OR51A7: variants seen among roughly 807,000 people sequenced by gnomAD.
OR51A7 encodes olfactory receptor family 51 subfamily A member 7.
For missense variants in OR51A7, 409 were observed against 374.5 expected (o/e 1.09, Z -0.76); for synonymous variants, 143 against 135.5 (o/e 1.05, Z -0.38).
At chr11:4,906,290 G>T (rs1181434702) in intron 1 of OR51A7, among the ~76,000 whole-genome samples, 1 of 152,164 alleles carries the variant, frequency 6.6e-6, no homozygotes, top group Non-Finnish European at 1.5e-5. Flanking sequence ...ACAGATACTT[G>T]TTTGTGGTTT....
chr11:4,907,339 A>T lies in OR51A7; in HGVS notation c.-31A>T. On this transcript the variant is annotated splice_region_variant and 5_prime_UTR_variant, in exon 2 of 2. Coordinates refer to ENST00000641490, the MANE Select transcript of OR51A7 (RefSeq NM_001004749.2). Reference sequence around the variant, plus strand: ...CTGCTTTTCATTTATATGGTTTCAGATCCGGCTAACGAGCTCATATCTCCC... The same window carrying T: ...CTGCTTTTCATTTATATGGTTTCAGTTCCGGCTAACGAGCTCATATCTCCC... The T allele has an allele frequency of 6.9e-7, 1 of 1,439,338 alleles. No homozygotes were observed. Among genetic ancestry groups the T allele is most frequent in the South Asian group, 1.2e-5 (1 of 85,054 alleles). 89.2% of individuals were successfully genotyped at this position (1,439,338 alleles called of 1,614,324 possible).
At chr11:4,906,499 T>C (rs1564804109) in intron 1 of OR51A7, among the ~76,000 whole-genome samples, 1 of 152,234 alleles carries the variant, frequency 6.6e-6, no homozygotes, top group Non-Finnish European at 1.5e-5. Context: ...TATTTACTCA[T>C]GTATAAAATG....
rs1038118373 is a variant in OR51A7, at chr11:4,908,292, A to G, written c.923A>G (p.Asn308Ser). The G allele has an allele frequency of 6.2e-7, 1 of 1,613,906 alleles. No homozygotes were observed. The highest frequency in any genetic ancestry group is 1.3e-5 in the African/African-American group (1 of 75,038). ...IWEKILGKLL[N>S]VCGR ...GAGAAGATCTTGGGGAAGTTGCTTA[A>G]TGTATGTGGGAGATAAGAACTTGAA... The change falls in exon 2 of 2, where the codon AAT (asparagine) becomes AGT (serine). Residue 308 changes from asparagine to serine, a missense_variant. Coordinates refer to ENST00000641490, the MANE Select transcript of OR51A7 (RefSeq NM_001004749.2).
chr11:4,906,467 A>G (rs1303856127), intron 1 of OR51A7, among the ~76,000 whole-genome samples: 2 of 152,264 alleles, frequency 1.3e-5, no homozygotes, highest in South Asian at 2.1e-4. Flanking sequence ...TTATTTTTAT[A>G]TAACACTTGA....
At position 4,908,824 on chromosome 11, in the gene OR51A7, G is replaced by A. The variant is rs1850947325; in HGVS notation, c.*516G>A. The A allele has an allele frequency of 6.2e-6, 1 of 162,240 alleles. No homozygotes were observed. The highest frequency in any genetic ancestry group is 2.4e-5 in the African/African-American group (1 of 41,484). 10.1% of individuals were successfully genotyped at this position (162,240 alleles called of 1,614,324 possible). On this transcript the variant is annotated 3_prime_UTR_variant, in exon 2 of 2. Transcript: ENST00000641490. ...TTTGAAAAGTCTAAATTCAGGAGGT[G>A]TTGGAATGCCAATTTCTTCTCTACA...
chr11:4,908,514 T>A lies in OR51A7; in HGVS notation c.*206T>A. On this transcript the variant is annotated 3_prime_UTR_variant, in exon 2 of 2. Transcript: ENST00000641490. ...GATATATAAGATATAGAGGTTTAAT[T>A]AACATTTTAAGGGAAGTTGAAGGAA... The A allele has an allele frequency of 1.7e-6, 1 of 583,048 alleles. No homozygotes were observed. Among genetic ancestry groups the A allele is most frequent in the Non-Finnish European group, 3.0e-6 (1 of 328,886 alleles). The allele number at this position is 583,048 out of a possible 1,614,324, so 36.1% of individuals were successfully genotyped here. A position where few individuals can be genotyped will look rare whatever the true frequency, so the allele number is the denominator to read the frequency against.
chr11:4,907,825 C>CTAA lies in OR51A7; in HGVS notation c.456_457insTAA (p.Ser152_Ile153insTer). The CTAA allele has an allele frequency of 6.2e-7, 1 of 1,613,666 alleles. No individual in the cohort carries two copies. ...TGGGACTTATTTTAGCCATTAGGAG[C>CTAA]ATTCTCTTAGTGATTCCATTTCCCT... is the stretch of plus-strand genomic sequence containing the variant. On this transcript the variant is annotated stop_gained and inframe_insertion, in exon 2 of 2. Coordinates refer to ENST00000641490, the MANE Select transcript of OR51A7 (RefSeq NM_001004749.2). LOFTEE classifies it low-confidence loss of function (END_TRUNC).
At position 4,907,484 on chromosome 11, in the gene OR51A7, A is replaced by G. The variant is rs375007040; in HGVS notation, c.115A>G (p.Ile39Val). 6.2e-7 allele frequency: 1 copy of G among 1,613,846 alleles called. No homozygotes were observed. Among genetic ancestry groups the G allele is most frequent in the African/African-American group, 1.3e-5 (1 of 74,852 alleles). Residue 39 changes from isoleucine (I) to valine (V), a missense_variant, in exon 2 of 2, where the codon ATC (isoleucine) becomes GTC (valine). Coordinates refer to ENST00000641490, the MANE Select transcript of OR51A7 (RefSeq NM_001004749.2). ...IPICLMYLLA[I>V]MGNCTILFII... is the part of the protein sequence containing the mutation. ...CATTTGCCTCATGTACCTGCTTGCC[A>G]TCATGGGCAACTGCACCATTCTCTT...
intron 1 of OR51A7, 112 bp from the exon 2 acceptor site, chr11:4,907,227 G>A (rs1850909014): frequency 3.4e-6 from 2 of 593,162 alleles, no homozygotes; most frequent in Non-Finnish European, 6.0e-6. Context: ...GAAGAGTGCA[G>A]TTGATTAGCA....
In OR51A7 at chr11:4,907,639, G is replaced by T; in HGVS notation, c.270G>T (p.Met90Ile). 1 of 1,613,904 alleles carries T rather than the reference G, an allele frequency of 6.2e-7. No individual in the cohort carries two copies. Among genetic ancestry groups the T allele is most frequent in the Non-Finnish European group, 8.5e-7 (1 of 1,179,942 alleles). ...TGAGGGTCTTCTTGTTCAATGCCATGGGAATTTCACCTAATGCCTGCTTTG... is the reference window on the plus strand; with the variant it reads ...TGAGGGTCTTCTTGTTCAATGCCATTGGAATTTCACCTAATGCCTGCTTTG... ...TMLRVFLFNA[M>I]GISPNACFAQ... Residue 90 changes from methionine to isoleucine, a missense_variant, in exon 2 of 2, where the codon ATG (methionine) becomes ATT (isoleucine). Met to Ile is a conservative substitution (Grantham distance 10). Transcript: ENST00000641490.
Position 4,908,120 on chromosome 11 carries a change from T to A in OR51A7, c.751T>A (p.Tyr251Asn). The change falls in exon 2 of 2, where the codon TAT (tyrosine) becomes AAT (asparagine). Residue 251 changes from tyrosine to asparagine, a missense_variant. By Grantham distance (143) the Tyr-to-Asn change is moderately radical. Transcript: ENST00000641490. ...CCACATCTGTGCTGTGCTCACCTTC[T>A]ATGTGCCCATCATCACCCTGGCTGC... ...VSHICAVLTF[Y>N]VPIITLAAMH... is the part of the protein sequence containing the mutation. 6.2e-7 allele frequency: 1 copy of A among 1,614,236 alleles called. No individual in the cohort carries two copies. Among genetic ancestry groups the A allele is most frequent in the Non-Finnish European group, 8.5e-7 (1 of 1,180,040 alleles).
chr11:4,904,572 G>A (rs1170692220), intron 1 of OR51A7, among the ~76,000 whole-genome samples: 1 of 151,962 alleles, frequency 6.6e-6, no homozygotes, highest in African/African-American at 2.4e-5. Context: ...TTTACTGTAT[G>A]ATTTCATTTA....
Position 4,908,004 on chromosome 11 carries a change from T to A in OR51A7, c.635T>A (p.Leu212Gln), listed in dbSNP as rs1159900180. 6.2e-7 allele frequency: 1 copy of A among 1,614,262 alleles called. No homozygotes were observed. Among genetic ancestry groups the A allele is most frequent in the East Asian group, 2.2e-5 (1 of 44,890 alleles). The part of the protein sequence containing the change: ...IALCTMLDLA[L>Q]IVLSYVLILK... ...CTCTGTACTATGCTGGACTTGGCACTGATTGTTTTGTCTTATGTGCTGATC... is the reference window on the plus strand; with the variant it reads ...CTCTGTACTATGCTGGACTTGGCACAGATTGTTTTGTCTTATGTGCTGATC... Residue 212 changes from leucine to glutamine, a missense_variant, in exon 2 of 2, where the codon CTG (leucine) becomes CAG (glutamine). Coordinates refer to ENST00000641490, the MANE Select transcript of OR51A7 (RefSeq NM_001004749.2).
chr11:4,907,988 A>G lies in OR51A7; in HGVS notation c.619A>G (p.Met207Val), dbSNP rs906076370. Residue 207 changes from methionine (M) to valine (V), a missense_variant, in exon 2 of 2, where the codon ATG becomes GTG. By Grantham distance (21) the Met-to-Val change is conservative. Coordinates refer to ENST00000641490, the MANE Select transcript of OR51A7 (RefSeq NM_001004749.2). The stretch of plus-strand genomic sequence containing the variant: ...TGGCTTCTTCATTGCTCTCTGTACT[A>G]TGCTGGACTTGGCACTGATTGTTTT... ...IYGFFIALCT[M>V]LDLALIVLSY... 5.6e-6 allele frequency: 9 copies of G among 1,614,068 alleles called. No individual in the cohort carries two copies. The African/African-American group carries it at 1.1e-4, about 19-fold the overall frequency.
In OR51A7 at chr11:4,907,861, G is replaced by A. The variant is rs1409133694; in HGVS notation, c.492G>A (p.Arg164=). 45 of 1,613,678 alleles carry A rather than the reference G, an allele frequency of 2.8e-5. No individual in the cohort carries two copies. The highest frequency in any genetic ancestry group is 3.6e-5 in the Non-Finnish European group (43 of 1,179,948). Residue 164 remains arginine (R), a synonymous_variant, in exon 2 of 2, where the codon AGG becomes AGA. Transcript: ENST00000641490. ...TGATTCCATTTCCCTTCACCTTAAG[G>A]AGATTAAAATATTGTCAAAAGAATC... The part of the protein sequence containing the change: ...LLVIPFPFTL[R]RLKYCQKNLL...
Position 4,907,546 on chromosome 11 carries a change from G to T in OR51A7, c.177G>T (p.Met59Ile). Reference sequence around the variant, plus strand: ...CAGAGCCCTCGCTTCATGAGCCCATGTATTATTTCCTTGCCATGTTGGCTG... The same window carrying T: ...CAGAGCCCTCGCTTCATGAGCCCATTTATTATTTCCTTGCCATGTTGGCTG... ...IKTEPSLHEP[M>I]YYFLAMLAVS... is the part of the protein sequence containing the mutation. Residue 59 changes from methionine to isoleucine, a missense_variant, in exon 2 of 2, where the codon ATG (methionine) becomes ATT (isoleucine). Transcript: ENST00000641490. The T allele has an allele frequency of 6.2e-7, 1 of 1,614,066 alleles. No homozygotes were observed. Among genetic ancestry groups the T allele is most frequent in the Non-Finnish European group, 8.5e-7 (1 of 1,179,994 alleles).
Position 4,907,095 on chromosome 11 carries a change from T to TAAAAA in OR51A7, c.-31-228_-31-224dup, listed in dbSNP as rs3065178. On this transcript the variant is annotated intron_variant, in intron 1 of 1. Transcript: ENST00000641490. Reference sequence around the variant, plus strand: ...TGGGCAACAAGAGCAAAACTCCCTCTAAAAAAAAAAAAAAAAAAAATCCTA... The same window carrying TAAAAA: ...TGGGCAACAAGAGCAAAACTCCCTCTAAAAAAAAAAAAAAAAAAAAAAAAATCCTA... Among the ~76,000 whole-genome samples, 19 of 55,114 alleles carry TAAAAA rather than the reference T, an allele frequency of 3.4e-4. 1 individual carries two copies. Among genetic ancestry groups the TAAAAA allele is most frequent in the African/African-American group, 5.9e-4 (9 of 15,270 alleles). The allele number at this position is 55,114 out of a possible 152,430, so 36.2% of individuals were successfully genotyped here. A position where few individuals can be genotyped will look rare whatever the true frequency, so the allele number is the denominator to read the frequency against.
intron 1 of OR51A7, among the ~76,000 whole-genome samples, chr11:4,905,504 A>T (rs528302682): frequency 1.4e-4 from 22 of 152,268 alleles, no homozygotes; most frequent in African/African-American, 5.1e-4. Flanking sequence ...ATCAATTTCC[A>T]GTGTCTCCTG....
chr11:4,904,804 T>G (rs888438957), intron 1 of OR51A7, among the ~76,000 whole-genome samples: 1 of 152,192 alleles, frequency 6.6e-6, no homozygotes, highest in Non-Finnish European at 1.5e-5. Flanking sequence ...TATTTTATAT[T>G]TCTTCCATTC....
Sources: gnomAD v4.1 joint callset for allele counts (sites outside exome capture counted in the v4.1 genomes callset) on GRCh38, gnomAD v4.1.1 for gene constraint, MANE v1.5 for transcripts, NCBI Gene and HGNC (gene_info 2026-07-23, HGNC 2026-07-21) for gene names.